The following PIEZO2 variants were observed in gnomAD, a reference collection of about 807,000 sequenced individuals.
PIEZO2 encodes the protein piezo type mechanosensitive ion channel component 2, also known as piezo-type mechanosensitive ion channel component 2.
A neutral mutation model predicts 337.3 loss-of-function variants in PIEZO2; 172 were observed. That is an observed-to-expected ratio of 0.51 (90% CI 0.45 to 0.58). PIEZO2 has a LOEUF of 0.58. Ranked by LOEUF, PIEZO2 falls within the 20% of genes least tolerant of loss-of-function variation. The pLI, the probability that PIEZO2 is intolerant of heterozygous loss-of-function variation, is 0.00. For synonymous variants in PIEZO2, 1,251 were observed against 1,228.5 expected (o/e 1.02, Z -0.38); for missense variants, 3,028 against 3,391.3 (o/e 0.89, Z 2.66).
At chr18:11,108,975 C>A (rs144662308) in intron 1 of PIEZO2, among the ~76,000 whole-genome samples, 262 of 152,308 alleles carry the variant, frequency 1.7e-3, no homozygotes, top group African/African-American at 5.9e-3. Context: ...GTTATCTTTC[C>A]TTGGGCAGAA....
At chr18:10,780,510 C>T in intron 17 of PIEZO2, 144 bp from the exon 18 acceptor site, 2 of 612,052 alleles carry the variant, frequency 3.3e-6, no homozygotes, top group South Asian at 3.8e-5. Flanking sequence ...AGGCTTCATG[C>T]CTTGAAGAAG....
At chr18:10,789,790 AG>A (rs1208363809) in intron 14 of PIEZO2, among the ~76,000 whole-genome samples, 3 of 152,238 alleles carry the variant, frequency 2.0e-5, no homozygotes, top group South Asian at 2.1e-4. Context: ...TTAAACAAAA[AG>A]TATACTTTTA....
rs1251795636 is a variant in PIEZO2, at chr18:11,009,773, T to C, written c.161-30113A>G. Among the ~76,000 whole-genome samples the C allele has an allele frequency of 6.6e-6, 1 of 152,012 alleles. No individual in the cohort carries two copies. The highest frequency in any genetic ancestry group is 2.4e-5 in the African/African-American group (1 of 41,386). ...AGGTAATTCAGGTAGCACGAGGTCA[T>C]AGAGGTGGGCCTAATCCAGTATGCC... On this transcript the variant is annotated intron_variant, in intron 2 of 55. Transcript: ENST00000674853. The surrounding 1 kb of genome is among the most constrained non-coding windows in gnomAD (Gnocchi z 4.6).
chr18:10,899,103 AG>A lies in PIEZO2; in HGVS notation c.329+12082del, dbSNP rs2042979558. On this transcript the variant is annotated intron_variant, in intron 4 of 55. Coordinates refer to ENST00000674853, the MANE Select transcript of PIEZO2 (RefSeq NM_001378183.1). This position sits in a 1 kb window ranked among gnomAD's most constrained non-coding sequence, Gnocchi z 4.6. Reference sequence around the variant, plus strand: ...CAGTGGGGCCTGCAGAGACTAGCAAAGGGAAGCATGGGCTCTATAGTTAAAA... The same window carrying A: ...CAGTGGGGCCTGCAGAGACTAGCAAAGGAAGCATGGGCTCTATAGTTAAAA... Among the ~76,000 whole-genome samples, 1 of 152,210 alleles carries A rather than the reference AG, an allele frequency of 6.6e-6. No individual in the cohort carries two copies. Among genetic ancestry groups the A allele is most frequent in the African/African-American group, 2.4e-5 (1 of 41,456 alleles).
intron 4 of PIEZO2, among the ~76,000 whole-genome samples, chr18:10,892,197 A>G (rs1300969986): frequency 1.3e-5 from 2 of 152,242 alleles, no homozygotes; most frequent in Non-Finnish European, 2.9e-5. Context: ...TATAATGTCT[A>G]TATAATGGAA....
chr18:10,933,396 T>C (rs1293645825), intron 3 of PIEZO2, among the ~76,000 whole-genome samples: 1 of 152,226 alleles, frequency 6.6e-6, no homozygotes, highest in African/African-American at 2.4e-5. Flanking sequence ...GAAATATTAA[T>C]ATTTTTTCAT....
In PIEZO2 at chr18:10,763,377, T is replaced by G. The variant is rs1193467623; in HGVS notation, c.2947-279A>C. 1.1e-5 allele frequency: 4 copies of G among 374,754 alleles called. No homozygotes were observed. In the Admixed American group the frequency reaches 1.3e-4, roughly 12 times the overall value. The allele number at this position is 374,754 out of a possible 1,614,324, so 23.2% of individuals were successfully genotyped here. A position where few individuals can be genotyped will look rare whatever the true frequency, so the allele number is the denominator to read the frequency against. On this transcript the variant is annotated intron_variant, in intron 21 of 55. Transcript: ENST00000674853. ...AGCTATCAATGTGGGCAGGCTCCTG[T>G]GAGAGCGCCCAGAAGGGTCCTTGGT...
intron 1 of PIEZO2, among the ~76,000 whole-genome samples, chr18:11,086,286 T>G (rs1351646663): frequency 2.0e-5 from 3 of 152,040 alleles, no homozygotes; most frequent in African/African-American, 7.2e-5. Context: ...TTTGGGAGGC[T>G]GAGGCAGGCA....
At chr18:10,729,635 A>AAG (rs1038160691) in intron 36 of PIEZO2, among the ~76,000 whole-genome samples, 7 of 151,428 alleles carry the variant, frequency 4.6e-5, no homozygotes, top group South Asian at 2.1e-4. Context: ...AAAAAAAAAA[A>AAG]AAAAGAAAAG....
At chr18:10,744,063 C>T in intron 31 of PIEZO2, 79 bp downstream of exon 31, 1 of 1,034,872 alleles carries the variant, frequency 9.7e-7, no homozygotes, top group Non-Finnish European at 1.4e-6. Context: ...GTTTGAGGCT[C>T]CCCAACAGTG....
At chr18:10,836,516 A>C (rs1349172384) in intron 7 of PIEZO2, among the ~76,000 whole-genome samples, 1 of 152,192 alleles carries the variant, frequency 6.6e-6, no homozygotes, top group Non-Finnish European at 1.5e-5. Flanking sequence ...GATCACTTGC[A>C]ACTGTTTAAT....
chr18:10,690,644 C>T (rs1031305945), intron 48 of PIEZO2, among the ~76,000 whole-genome samples: 4 of 152,192 alleles, frequency 2.6e-5, no homozygotes, highest in South Asian at 2.1e-4. Flanking sequence ...AGCAGTGCCA[C>T]GGACTGTCTC....
In PIEZO2 at chr18:10,700,332, T is replaced by C. The variant is rs553193858; in HGVS notation, c.6442-1155A>G. On this transcript the variant is annotated intron_variant, in intron 43 of 55. Coordinates refer to ENST00000674853, the MANE Select transcript of PIEZO2 (RefSeq NM_001378183.1). Reference sequence around the variant, plus strand: ...TTGTTTGGTTTTCATGGCAACATTATATGAAAGATTTATTTTTTCAAAAGC... The same window carrying C: ...TTGTTTGGTTTTCATGGCAACATTACATGAAAGATTTATTTTTTCAAAAGC... Among the ~76,000 whole-genome samples, 18 of 152,208 alleles carry C rather than the reference T, an allele frequency of 1.2e-4. No individual in the cohort carries two copies. In the South Asian group the frequency reaches 2.9e-3, roughly 25 times the overall value.
chr18:11,131,071 G>A lies in PIEZO2; in HGVS notation c.64+17454C>T, dbSNP rs1400956256. ...CTCTAGGATTTTGGAGCAAGGCCCT[G>A]CCACCTTCTGCAGATAACTACTCTC... On this transcript the variant is annotated intron_variant, in intron 1 of 55. Transcript: ENST00000674853. This position sits in a 1 kb window ranked among gnomAD's most constrained non-coding sequence, Gnocchi z 5.3. Among the ~76,000 whole-genome samples, 2 of 152,198 alleles carry A rather than the reference G, an allele frequency of 1.3e-5. No homozygotes were observed. The highest frequency in any genetic ancestry group is 4.8e-5 in the African/African-American group (2 of 41,462).
At position 10,789,167 on chromosome 18, in the gene PIEZO2, A is replaced by G. The variant is rs1038029538; in HGVS notation, c.2081T>C (p.Met694Thr). The G allele has an allele frequency of 5.2e-6, 8 of 1,537,164 alleles. No homozygotes were observed. In the African/African-American group the frequency reaches 9.6e-5, roughly 18 times the overall value. The change falls in exon 15 of 56, where the codon ATG becomes ACG. Residue 694 changes from methionine (M) to threonine (T), a missense_variant. Coordinates refer to ENST00000674853, the MANE Select transcript of PIEZO2 (RefSeq NM_001378183.1). ...ACCCTCGAAGCTGACGAAGAAGAAC[A>G]TGCCTCCGCAGACGTAGATCCAGTA... ...IKYWIYVCGG[M>T]FFFVSFEGKI... is the part of the protein sequence containing the mutation.
rs909813874 is a variant in PIEZO2 at position 10,775,118 on chromosome 18, T to C, written c.2535-1080A>G. Among the ~76,000 whole-genome samples the C allele has an allele frequency of 2.0e-5, 3 of 152,194 alleles. No homozygotes were observed. The highest frequency in any genetic ancestry group is 7.2e-5 in the African/African-American group (3 of 41,444). ...TAAATGATAGTATGCCAGAAACAGA[T>C]TGTTAATTTAATGAAGAGAGAGAAT... On this transcript the variant is annotated intron_variant, in intron 18 of 55. Transcript: ENST00000674853. The surrounding 1 kb of genome is among the most constrained non-coding windows in gnomAD (Gnocchi z 4.3).
In PIEZO2 at chr18:11,105,860, G is replaced by A. The variant is rs2039543804; in HGVS notation, c.65-39638C>T. On this transcript the variant is annotated intron_variant, in intron 1 of 55. Coordinates refer to ENST00000674853, the MANE Select transcript of PIEZO2 (RefSeq NM_001378183.1). The surrounding 1 kb of genome is among the most constrained non-coding windows in gnomAD (Gnocchi z 4.3). The stretch of plus-strand genomic sequence containing the variant: ...CCAGGAAAGATCAGTGGCTTAATGG[G>A]CCACAATTACTCCCAAACAATCTAG... Among the ~76,000 whole-genome samples the A allele has an allele frequency of 6.6e-6, 1 of 152,140 alleles. No homozygotes were observed. Among genetic ancestry groups the A allele is most frequent in the African/African-American group, 2.4e-5 (1 of 41,446 alleles).
intron 36 of PIEZO2, among the ~76,000 whole-genome samples, chr18:10,731,018 G>C (rs1422642634): frequency 6.6e-6 from 1 of 151,804 alleles, no homozygotes; most frequent in Non-Finnish European, 1.5e-5. Context: ...GAGCCACCGC[G>C]CCTGGCCTTA....
intron 7 of PIEZO2, among the ~76,000 whole-genome samples, chr18:10,838,947 A>G (rs920320960): frequency 6.6e-6 from 1 of 152,212 alleles, no homozygotes; most frequent in Admixed American, 6.5e-5. Flanking sequence ...ATTACCCACA[A>G]ATATAATTTC....
Sources: allele counts gnomAD v4.1 joint callset (sites outside exome capture counted in the v4.1 genomes callset), GRCh38; gene constraint gnomAD v4.1.1; non-coding constraint Gnocchi (gnomAD v3.1); transcripts MANE v1.5; gene names NCBI Gene and HGNC (gene_info 2026-07-23, HGNC 2026-07-21).